PPFIA2: variants seen among roughly 807,000 people sequenced by gnomAD.
The protein encoded by PPFIA2 is PPFI scaffold protein A2.
In PPFIA2, 46 loss-of-function variants were observed where a neutral mutation model predicts 175.5. The observed-to-expected ratio is 0.26, with a 90% CI of 0.21 to 0.34. PPFIA2 has a LOEUF of 0.34. Among genes scored for constraint, PPFIA2 ranks in the 10% least tolerant of loss-of-function variants. PPFIA2 has a pLI of 1.00. For missense variants in PPFIA2, 1,179 were observed against 1,506.1 expected, an observed-to-expected ratio of 0.78 and a Z score of 3.60; for synonymous variants, 568 against 511.4, an observed-to-expected ratio of 1.11 and a Z score of -1.49.
intron 3 of PPFIA2, among the ~76,000 whole-genome samples, chr12:81,741,086 G>T (rs957535147): frequency 9.9e-5 from 15 of 152,272 alleles, no homozygotes; most frequent in African/African-American, 3.4e-4. Context: ...CACAGAAATT[G>T]TGTCAATATC....
intron 4 of PPFIA2, among the ~76,000 whole-genome samples, chr12:81,617,192 A>G (rs1019826294): frequency 2.6e-5 from 4 of 152,350 alleles, no homozygotes; most frequent in Non-Finnish European, 5.9e-5. Context: ...AAAGAAAAGA[A>G]AAAACTTCAT....
At chr12:81,648,238 A>G (rs1447158710) in intron 4 of PPFIA2, among the ~76,000 whole-genome samples, 3 of 151,856 alleles carry the variant, frequency 2.0e-5, no homozygotes, top group Admixed American at 1.3e-4. Flanking sequence ...CATACAAAAA[A>G]ACTTTTAGAA....
intron 21 of PPFIA2, among the ~76,000 whole-genome samples, chr12:81,328,966 G>C (rs1264561803): frequency 1.3e-5 from 2 of 151,944 alleles, no homozygotes; most frequent in East Asian, 1.9e-4. Context: ...ACTATGCCCG[G>C]CTAGTTTTTC....
intron 6 of PPFIA2, among the ~76,000 whole-genome samples, chr12:81,442,899 A>G (rs1324451529): frequency 7.4e-5 from 6 of 81,434 alleles, no homozygotes; most frequent in South Asian, 7.6e-4. Context: ...ATATATATAT[A>G]GTATTACTTG....
rs780939789 is a variant in PPFIA2 at position 81,347,695 on chromosome 12, G to A, written c.2070C>T (p.Leu690=). 3 of 1,613,790 alleles carry A rather than the reference G, an allele frequency of 1.9e-6. No homozygotes were observed. The highest frequency in any genetic ancestry group is 2.2e-5 in the East Asian group (1 of 44,850). The change falls in exon 18 of 33, where the codon CTC becomes CTT. Residue 690 remains leucine, a synonymous_variant. Coordinates refer to ENST00000549396, the MANE Select transcript of PPFIA2 (RefSeq NM_003625.5). ...EIENRVASVS[L]EGLNLARVHP... ...GGACCCTTGCCAAATTCAGGCCTTC[G>A]AGGCTCACACTAGCCACTCTATTTT...
intron 3 of PPFIA2, among the ~76,000 whole-genome samples, chr12:81,710,749 AC>A (rs1310410866): frequency 6.8e-6 from 1 of 147,484 alleles, no homozygotes; most frequent in African/African-American, 2.4e-5. Context: ...CAAAGTTTTG[AC>A]TGTGTTTTGA....
rs564702747 is a variant in PPFIA2 at position 81,583,254 on chromosome 12, T to C, written c.303+93537A>G. ...CATGCAACGTCATTCCTGTGCCATT[T>C]ACTTTTGGTACAGTGATTAGGATAA... is the stretch of plus-strand genomic sequence containing the variant. On this transcript the variant is annotated intron_variant, in intron 4 of 32. Transcript: ENST00000549396. Among the ~76,000 whole-genome samples, 5 of 152,112 alleles carry C rather than the reference T, an allele frequency of 3.3e-5. No individual in the cohort carries two copies. In the Admixed American group the frequency reaches 3.3e-4, roughly 10 times the overall value.
chr12:81,496,296 C>T (rs2060014594), intron 4 of PPFIA2, among the ~76,000 whole-genome samples: 1 of 152,054 alleles, frequency 6.6e-6, no homozygotes, highest in South Asian at 2.1e-4. Flanking sequence ...AATGTGTGAT[C>T]CGTGATTTAA....
At chr12:81,680,979 C>T (rs1286692069) in intron 3 of PPFIA2, among the ~76,000 whole-genome samples, 2 of 152,010 alleles carry the variant, frequency 1.3e-5, no homozygotes, top group African/African-American at 4.8e-5. Context: ...TCACTTGTCT[C>T]ATCTGAATCC....
intron 3 of PPFIA2, among the ~76,000 whole-genome samples, chr12:81,744,343 T>C (rs1158958767): frequency 6.6e-6 from 1 of 152,086 alleles, no homozygotes; most frequent in Admixed American, 6.6e-5. Flanking sequence ...CTAACAATCA[T>C]TTCAAATTTC....
chr12:81,544,851 T>C (rs952205409), intron 4 of PPFIA2, among the ~76,000 whole-genome samples: 2 of 152,184 alleles, frequency 1.3e-5, no homozygotes, highest in South Asian at 2.1e-4. Flanking sequence ...TTCAAAGTCC[T>C]GAGCTCAAAA....
chr12:81,361,956 G>C (rs1052170023), intron 15 of PPFIA2, among the ~76,000 whole-genome samples: 12 of 151,364 alleles, frequency 7.9e-5, no homozygotes, highest in African/African-American at 2.9e-4. Context: ...GAAATTATGT[G>C]TGAATTATTA....
intron 4 of PPFIA2, among the ~76,000 whole-genome samples, chr12:81,563,337 T>G (rs958957658): frequency 6.6e-6 from 1 of 152,204 alleles, no homozygotes; most frequent in African/African-American, 2.4e-5. Context: ...TTTTCATACA[T>G]GTACAACCTC....
chr12:81,630,345 T>C (rs2063223426), intron 4 of PPFIA2, among the ~76,000 whole-genome samples: 2 of 152,182 alleles, frequency 1.3e-5, no homozygotes, highest in South Asian at 4.1e-4. Context: ...CCAGTCCTTA[T>C]TGGGTGCATC....
At chr12:81,559,962 G>A (rs1327114204) in intron 4 of PPFIA2, among the ~76,000 whole-genome samples, 1 of 152,034 alleles carries the variant, frequency 6.6e-6, no homozygotes, top group Non-Finnish European at 1.5e-5. Context: ...GCTGACACAT[G>A]TGGCCTCCTC....
At chr12:81,686,475 G>C (rs1353683980) in intron 3 of PPFIA2, among the ~76,000 whole-genome samples, 1 of 152,020 alleles carries the variant, frequency 6.6e-6, no homozygotes, top group African/African-American at 2.4e-5. Context: ...TAAATTTTGT[G>C]TGTCGCTTTT....
chr12:81,610,801 T>G (rs1414823660), intron 4 of PPFIA2, among the ~76,000 whole-genome samples: 4 of 152,178 alleles, frequency 2.6e-5, no homozygotes. Context: ...ACTGTCTTTT[T>G]GAATTGTCAA....
At chr12:81,461,639 C>A (rs953449605) in intron 4 of PPFIA2, among the ~76,000 whole-genome samples, 1 of 152,014 alleles carries the variant, frequency 6.6e-6, no homozygotes, top group Non-Finnish European at 1.5e-5. Flanking sequence ...CCAGTGTATG[C>A]CCTTTAGAAG....
intron 18 of PPFIA2, 33 bp from the exon 19 acceptor site, chr12:81,344,726 A>T: frequency 1.3e-6 from 2 of 1,489,102 alleles, no homozygotes; most frequent in Non-Finnish European, 1.8e-6. Flanking sequence ...CATAAAACAC[A>T]ATTAATTAAG....
Sources: allele counts gnomAD v4.1 joint callset (sites outside exome capture counted in the v4.1 genomes callset), GRCh38; gene constraint gnomAD v4.1.1; transcripts MANE v1.5; gene names NCBI Gene and HGNC (gene_info 2026-07-23, HGNC 2026-07-21).